GUCY2C: variants seen among roughly 807,000 people sequenced by gnomAD.
The protein encoded by GUCY2C is guanylate cyclase 2C.
GUCY2C carries 118 observed loss-of-function variants against 131.1 expected under a neutral mutation model. The observed-to-expected ratio is 0.90, with a 90% confidence interval of 0.78 to 1.05. The LOEUF is 1.05. Ranked by LOEUF, GUCY2C falls within the 50% of genes least tolerant of loss-of-function variation. GUCY2C has a pLI of 0.00. For missense variants in GUCY2C, 1,161 were observed against 1,304.4 expected (o/e 0.89, Z 1.69); for synonymous variants, 452 against 457.8 (o/e 0.99, Z 0.16).
At chr12:14,647,814 A>T (rs1210187315) in intron 15 of GUCY2C, among the ~76,000 whole-genome samples, 1 of 151,982 alleles carries the variant, frequency 6.6e-6, no homozygotes, top group Admixed American at 6.6e-5. Flanking sequence ...GCTAATATAT[A>T]TGATATATAC....
At chr12:14,666,902 G>A (rs1349057311) in intron 10 of GUCY2C, among the ~76,000 whole-genome samples, 1 of 152,182 alleles carries the variant, frequency 6.6e-6, no homozygotes, top group Non-Finnish European at 1.5e-5. Context: ...AAAAGCTCTG[G>A]CTAACTGAGG....
At chr12:14,674,186 T>G in intron 8 of GUCY2C, 1 of 209,118 alleles carries the variant, frequency 4.8e-6, no homozygotes, top group South Asian at 8.8e-5. Flanking sequence ...AGGTTTGTGT[T>G]GTTTTGGAGG....
intron 17 of GUCY2C, 123 bp from the exon 18 acceptor site, chr12:14,641,342 T>A (rs1947399810): frequency 9.2e-6 from 9 of 974,354 alleles, no homozygotes. Context: ...AGCTTATAAG[T>A]GGCCTTGAAT....
At chr12:14,641,954 T>C (rs1488077950) in intron 17 of GUCY2C, among the ~76,000 whole-genome samples, 1 of 151,660 alleles carries the variant, frequency 6.6e-6, no homozygotes. Context: ...AAAATACAAA[T>C]TTTATGTGTA....
intron 25 of GUCY2C, among the ~76,000 whole-genome samples, chr12:14,616,324 C>G (rs1946761421): frequency 6.6e-6 from 1 of 152,018 alleles, no homozygotes; most frequent in Admixed American, 6.6e-5. Flanking sequence ...GGTTTTGATT[C>G]AAATTAAATA....
At chr12:14,667,006 A>C (rs1947995355) in intron 10 of GUCY2C, among the ~76,000 whole-genome samples, 1 of 152,158 alleles carries the variant, frequency 6.6e-6, no homozygotes, top group East Asian at 1.9e-4. Flanking sequence ...CTTTAGGAAC[A>C]CTTTTACACT....
chr12:14,696,537 C>T lies in GUCY2C; in HGVS notation c.-89G>A. 1 of 945,432 alleles carries T rather than the reference C, an allele frequency of 1.1e-6. No individual in the cohort carries two copies. Among genetic ancestry groups the T allele is most frequent in the East Asian group, 2.6e-5 (1 of 39,182 alleles). 58.6% of individuals were successfully genotyped at this position (945,432 alleles called of 1,614,324 possible). ...GGAGGCAGGGAATCCAGATGGACAG[C>T]CTCTAGTGGAGTCCCTCAGCCCACT... On this transcript the variant is annotated 5_prime_UTR_variant, in exon 1 of 27. Transcript: ENST00000261170.
chr12:14,651,546 G>A, intron 14 of GUCY2C, 35 bp from the exon 15 acceptor site: 1 of 1,089,174 alleles, frequency 9.2e-7, no homozygotes, highest in Non-Finnish European at 1.4e-6. Flanking sequence ...AGCAAATTAG[G>A]CAGAATGGGG....
At chr12:14,643,863 T>C (rs1056004673) in intron 16 of GUCY2C, among the ~76,000 whole-genome samples, 157 bp from the exon 17 acceptor site, 5 of 152,276 alleles carry the variant, frequency 3.3e-5, no homozygotes, top group Admixed American at 2.6e-4. Context: ...ACAATATTAC[T>C]GAAGCCCTAA....
At chr12:14,684,606 TTCCTTCCTTCCTTCC>T (rs1948430159) in intron 3 of GUCY2C, among the ~76,000 whole-genome samples, 1 of 38,978 alleles carries the variant, frequency 2.6e-5, no homozygotes, top group African/African-American at 6.7e-5. Context: ...CCTTCCTTCC[TTCCTTCCTTCCTTCC>T]TTCCTTCCTT....
chr12:14,653,030 G>C lies in GUCY2C; in HGVS notation c.1471-16C>G, dbSNP rs201883477. The C allele has an allele frequency of 3.4e-4, 536 of 1,590,750 alleles. No individual in the cohort carries two copies. Among genetic ancestry groups the C allele is most frequent in the Admixed American group, 4.8e-4 (29 of 59,982 alleles). On this transcript the variant is annotated splice_polypyrimidine_tract_variant and intron_variant, in intron 12 of 26. Transcript: ENST00000261170. The stretch of plus-strand genomic sequence containing the variant: ...CATCATCGATCTGGCACAAGAAAAG[G>C]CTAATTATTCCAGAAGCTCCATATC...
intron 20 of GUCY2C, among the ~76,000 whole-genome samples, chr12:14,627,690 G>C (rs557861045): frequency 6.6e-6 from 1 of 152,040 alleles, no homozygotes; most frequent in African/African-American, 2.4e-5. Flanking sequence ...ATTAAAGGCT[G>C]AGTATCAAGG....
chr12:14,619,877 A>G (rs564109887), intron 23 of GUCY2C: 1 of 152,724 alleles, frequency 6.5e-6, no homozygotes, highest in African/African-American at 2.4e-5. Flanking sequence ...CAACAAGCAG[A>G]ACAAAAGCCC....
chr12:14,619,365 T>A, intron 23 of GUCY2C, 56 bp from the exon 24 acceptor site: 4 of 1,055,718 alleles, frequency 3.8e-6, no homozygotes, highest in Non-Finnish European at 6.0e-6. Context: ...CAGAGTAGAG[T>A]GAAGACAGGT....
chr12:14,655,168 T>C (rs1350022509), intron 12 of GUCY2C, among the ~76,000 whole-genome samples: 1 of 152,222 alleles, frequency 6.6e-6, no homozygotes. Context: ...AATTCATGAA[T>C]CACTTTTTGC....
chr12:14,652,448 T>G (rs1000931832), intron 13 of GUCY2C, among the ~76,000 whole-genome samples: 2 of 152,180 alleles, frequency 1.3e-5, no homozygotes, highest in African/African-American at 4.8e-5. Flanking sequence ...GTCCTGGGAT[T>G]ACAGACATGA....
At chr12:14,663,484 C>T (rs1026820318) in intron 10 of GUCY2C, among the ~76,000 whole-genome samples, 13 of 152,084 alleles carry the variant, frequency 8.5e-5, no homozygotes, top group African/African-American at 2.9e-4. Context: ...GGTTTCATCA[C>T]GTTGGCCAGG....
chr12:14,632,943 C>T (rs1565610541), intron 19 of GUCY2C, among the ~76,000 whole-genome samples: 1 of 152,200 alleles, frequency 6.6e-6, no homozygotes, highest in Admixed American at 6.5e-5. Context: ...CCCAGCCTGT[C>T]ACAGCCACTA....
intron 24 of GUCY2C, 44 bp downstream of exon 24, chr12:14,619,167 A>G: frequency 8.6e-7 from 1 of 1,166,706 alleles, no homozygotes; most frequent in Non-Finnish European, 1.3e-6. Flanking sequence ...CTCTGCTGGA[A>G]AACAGCATCT....
Sources: allele counts gnomAD v4.1 joint callset (sites outside exome capture counted in the v4.1 genomes callset), GRCh38; gene constraint gnomAD v4.1.1; transcripts MANE v1.5; gene names NCBI Gene and HGNC (gene_info 2026-07-23, HGNC 2026-07-21).